Variants in CTNNA2 observed in about 807,000 individuals in gnomAD.
CTNNA2 encodes catenin alpha 2, also known as catenin alpha-2.
CTNNA2 carries 42 observed loss-of-function variants against 101.0 expected under a neutral mutation model. That is an observed-to-expected ratio of 0.42 (90% CI 0.32 to 0.54). The LOEUF (loss-of-function observed/expected upper bound fraction) is 0.54. Among genes scored for constraint, CTNNA2 ranks in the 20% least tolerant of loss-of-function variants. The probability of loss-of-function intolerance (pLI) is 0.14; values close to 1 mark genes in which losing one functional copy is unlikely to be tolerated. For synonymous variants in CTNNA2, 450 were observed against 456.4 expected (o/e 0.99, Z 0.18); for missense variants, 871 against 1,223.1 (o/e 0.71, Z 4.29).
chr2:79,498,981 C>G (rs1671288504), intron 4 of CTNNA2: 1 of 152,170 alleles, frequency 6.6e-6, no homozygotes, highest in Non-Finnish European at 1.5e-5. Flanking sequence ...TACTGTAGAC[C>G]TCAGTGAAGG....
chr2:79,923,399 C>T (rs907479210), intron 7 of CTNNA2, among the ~76,000 whole-genome samples: 1 of 151,800 alleles, frequency 6.6e-6, no homozygotes, highest in African/African-American at 2.4e-5. Flanking sequence ...CACCTAGTTG[C>T]TTGCAATTTT....
rs1289856501 is a variant in CTNNA2, at chr2:79,917,610, T to G, written c.1056+7813T>G. Among the ~76,000 whole-genome samples the G allele has an allele frequency of 4.6e-5, 7 of 152,318 alleles. No individual in the cohort carries two copies. The East Asian group carries it at 1.2e-3, about 25-fold the overall frequency. On this transcript the variant is annotated intron_variant, in intron 7 of 18. Transcript: ENST00000402739. ...CTGGGAAACTGGTAGAGGGTTTTTT[T>G]TCTTACTTCCTTTTTCTTACATTAT...
intron 3 of CTNNA2, among the ~76,000 whole-genome samples, chr2:79,353,660 C>T (rs1677442984): frequency 6.6e-6 from 1 of 152,204 alleles, no homozygotes; most frequent in East Asian, 1.9e-4. Flanking sequence ...ATATTTGGAA[C>T]ATTACATTCA....
intron 7 of CTNNA2, among the ~76,000 whole-genome samples, chr2:80,157,194 A>G (rs145782850): frequency 7.5e-4 from 114 of 152,272 alleles, no homozygotes; most frequent in African/African-American, 2.7e-3. Flanking sequence ...TTCATCCTCC[A>G]TAAGAGGGGA....
At chr2:80,037,153 CTTG>C (rs978576272) in intron 7 of CTNNA2, among the ~76,000 whole-genome samples, 2 of 152,186 alleles carry the variant, frequency 1.3e-5, no homozygotes, top group Non-Finnish European at 1.5e-5. Context: ...AGATTCTGGA[CTTG>C]TTGTAAGAAG....
intron 7 of CTNNA2, among the ~76,000 whole-genome samples, chr2:80,150,404 T>C (rs1703625838): frequency 6.6e-6 from 1 of 152,074 alleles, no homozygotes; most frequent in South Asian, 2.1e-4. Context: ...TGCCGCTCAC[T>C]TGCTACACTT....
At chr2:79,220,198 G>A (rs1384105567) in intron 2 of CTNNA2, among the ~76,000 whole-genome samples, 1 of 152,026 alleles carries the variant, frequency 6.6e-6, no homozygotes, top group African/African-American at 2.4e-5. Context: ...GTGTGTGTGT[G>A]TGTATATATA....
At chr2:79,208,776 C>G (rs752390961) in intron 2 of CTNNA2, among the ~76,000 whole-genome samples, 6 of 152,272 alleles carry the variant, frequency 3.9e-5, no homozygotes, top group Admixed American at 1.3e-4. Context: ...CTATTGAAAC[C>G]TAGGCTGTGA....
chr2:79,251,069 G>A (rs116163333), intron 2 of CTNNA2, among the ~76,000 whole-genome samples: 2,572 of 152,252 alleles, frequency 0.017, 27 homozygotes, highest in Admixed American at 0.022. Flanking sequence ...TCTGTTTGAT[G>A]CCATCTGTTT....
Position 79,876,389 on chromosome 2 carries a change from T to C in CTNNA2, c.852+2047T>C, listed in dbSNP as rs143061829. 3.8e-3 allele frequency among the ~76,000 whole-genome samples: 580 copies of C among 152,332 alleles called. 10 individuals are homozygous for C. The East Asian group carries it at 0.044, about 12-fold the overall frequency. ...CTCATCCATGAAAGAATAAAAATCATAGGCAATCTCAAATACAAAATTATT... is the reference window on the plus strand; with the variant it reads ...CTCATCCATGAAAGAATAAAAATCACAGGCAATCTCAAATACAAAATTATT... On this transcript the variant is annotated intron_variant, in intron 6 of 18. Coordinates refer to ENST00000402739, the MANE Select transcript of CTNNA2 (RefSeq NM_001282597.3).
At chr2:79,488,563 T>G (rs1361671163) in intron 4 of CTNNA2, among the ~76,000 whole-genome samples, 1 of 152,150 alleles carries the variant, frequency 6.6e-6, no homozygotes, top group African/African-American at 2.4e-5. Flanking sequence ...TAACTGAGTA[T>G]CTTTCAAGGC....
rs150558259 is a variant in CTNNA2, at chr2:79,319,386, A to G, written c.-318+6590A>G. On this transcript the variant is annotated intron_variant, in intron 3 of 21. Transcript: ENST00000466387. ...CACCTGATTGCAAGGGAGCTAGAAC[A>G]TGAAGGCTAGAACTCTGTCATATTG... 4.3e-4 allele frequency among the ~76,000 whole-genome samples: 65 copies of G among 152,272 alleles called. 1 individual carries two copies. Among genetic ancestry groups the G allele is most frequent in the Middle Eastern group, 3.4e-3 (1 of 294 alleles).
At chr2:79,901,939 T>A (rs1379056591) in intron 6 of CTNNA2, among the ~76,000 whole-genome samples, 1 of 152,214 alleles carries the variant, frequency 6.6e-6, no homozygotes, top group African/African-American at 2.4e-5. Context: ...GACGGTTAAC[T>A]CCTAGCCAAA....
intron 1 of CTNNA2, among the ~76,000 whole-genome samples, chr2:79,650,182 G>T (rs1446056170): frequency 2.9e-5 from 4 of 136,846 alleles, no homozygotes; most frequent in Non-Finnish European, 4.8e-5. Flanking sequence ...TCGGGGGGGG[G>T]GGGGGAGGGG....
chr2:79,390,370 A>G (rs1678158658), intron 4 of CTNNA2, among the ~76,000 whole-genome samples: 1 of 152,222 alleles, frequency 6.6e-6, no homozygotes, highest in Non-Finnish European at 1.5e-5. Context: ...AATTCACTTC[A>G]AACCCCAGAC....
intron 7 of CTNNA2, among the ~76,000 whole-genome samples, chr2:79,923,660 C>T (rs572685107): frequency 6.6e-6 from 1 of 152,164 alleles, no homozygotes; most frequent in Admixed American, 6.5e-5. Context: ...TACTGTGTAA[C>T]TATTTCATGC....
chr2:79,476,506 A>G (rs1159086378), intron 4 of CTNNA2, among the ~76,000 whole-genome samples: 1 of 152,198 alleles, frequency 6.6e-6, no homozygotes, highest in East Asian at 1.9e-4. Flanking sequence ...CCCTACTAGT[A>G]AATGATATAT....
chr2:79,704,732 C>T (rs901032050), intron 2 of CTNNA2, among the ~76,000 whole-genome samples: 1 of 151,954 alleles, frequency 6.6e-6, no homozygotes, highest in Non-Finnish European at 1.5e-5. Context: ...CCAGGATGGT[C>T]TCCATCTCCT....
intron 7 of CTNNA2, among the ~76,000 whole-genome samples, chr2:80,132,844 T>A (rs1194951926): frequency 6.6e-6 from 1 of 152,156 alleles, no homozygotes; most frequent in Non-Finnish European, 1.5e-5. Context: ...TGTATTCCAA[T>A]GTATTGTCAG....
Sources: gnomAD v4.1 joint callset for allele counts (sites outside exome capture counted in the v4.1 genomes callset) on GRCh38, gnomAD v4.1.1 for gene constraint, MANE v1.5 for transcripts, NCBI Gene and HGNC (gene_info 2026-07-23, HGNC 2026-07-21) for gene names.